The following SOX5 variants were observed in gnomAD, a reference collection of about 807,000 sequenced individuals.
SOX5 encodes the protein SRY-box transcription factor 5, also known as transcription factor SOX-5.
In SOX5, 9 loss-of-function variants were observed where a neutral mutation model predicts 92.0. The observed-to-expected ratio is 0.10, with a 90% CI of 0.06 to 0.17. The LOEUF (loss-of-function observed/expected upper bound fraction) is 0.17. SOX5 is among the 10% of genes least tolerant of loss of function. The pLI is 1.00. For synonymous variants in SOX5, 344 were observed against 336.3 expected, an observed-to-expected ratio of 1.02 and a Z score of -0.25; for missense variants, 642 against 944.5, an observed-to-expected ratio of 0.68 and a Z score of 4.20.
Position 24,046,075 on chromosome 12 carries a change from T to C in SOX5, c.-1-150051A>G, listed in dbSNP as rs12425626. On this transcript the variant is annotated intron_variant, in intron 4 of 4. Coordinates refer to the SOX5 transcript ENST00000446891. ...CCCTTGACAGGAAATGAGAGATTTA[T>C]TTTATCTGGCTTGAACTACATTGTT... Among the ~76,000 whole-genome samples, 411 of 152,338 alleles carry C rather than the reference T, an allele frequency of 2.7e-3. 7 individuals are homozygous for C. The highest frequency in any genetic ancestry group is 0.023 in the Admixed American group (350 of 15,304).
intron 1 of SOX5, among the ~76,000 whole-genome samples, chr12:24,392,881 G>A (rs1254900222): frequency 6.6e-6 from 1 of 152,082 alleles, no homozygotes; most frequent in African/African-American, 2.4e-5. Context: ...GGAGAAACAT[G>A]TAGGACTGGG....
At chr12:24,304,788 G>A (rs1031470966) in intron 2 of SOX5, among the ~76,000 whole-genome samples, 4 of 152,080 alleles carry the variant, frequency 2.6e-5, no homozygotes, top group African/African-American at 9.7e-5. Context: ...TTGTTAGCAC[G>A]ATTGTTGATT....
intron 1 of SOX5, among the ~76,000 whole-genome samples, chr12:24,381,206 C>T (rs117112720): frequency 0.037 from 5,643 of 152,198 alleles, 127 homozygotes; most frequent in Non-Finnish European, 0.048. Flanking sequence ...AACGAAAAAC[C>T]AAAACAACAA....
At chr12:24,535,229 G>T (rs1473155039) in intron 1 of SOX5, among the ~76,000 whole-genome samples, 1 of 152,176 alleles carries the variant, frequency 6.6e-6, no homozygotes, top group Non-Finnish European at 1.5e-5. Flanking sequence ...CTCACTGGAA[G>T]ACCCCTTCTG....
chr12:24,064,867 G>A (rs1022180697), intron 4 of SOX5, among the ~76,000 whole-genome samples: 3 of 152,200 alleles, frequency 2.0e-5, no homozygotes, highest in African/African-American at 4.8e-5. Context: ...AGAGGTTATA[G>A]TTCGGATTAT....
chr12:23,929,051 CA>C (rs1373999724), intron 1 of SOX5, among the ~76,000 whole-genome samples: 1 of 150,948 alleles, frequency 6.6e-6, no homozygotes, highest in Non-Finnish European at 1.5e-5. Context: ...TTCTACGAAA[CA>C]AAAACACAGA....
chr12:24,107,861 A>G (rs1036393969), intron 4 of SOX5, among the ~76,000 whole-genome samples: 2 of 152,196 alleles, frequency 1.3e-5, no homozygotes, highest in South Asian at 2.1e-4. Flanking sequence ...CACTATGGTA[A>G]CATTTAAATA....
At chr12:24,531,521 CAT>C (rs951855744) in intron 1 of SOX5, among the ~76,000 whole-genome samples, 2 of 152,066 alleles carry the variant, frequency 1.3e-5, no homozygotes, top group African/African-American at 2.4e-5. Flanking sequence ...AGTAATGTAA[CAT>C]ATTTTAAACC....
At chr12:23,976,781 C>T (rs1442908270) in intron 4 of SOX5, among the ~76,000 whole-genome samples, 1 of 151,804 alleles carries the variant, frequency 6.6e-6, no homozygotes, top group African/African-American at 2.4e-5. Context: ...ATTCTACTCA[C>T]TGGAAACTCG....
At position 23,895,896 on chromosome 12, in the gene SOX5, A is replaced by C. The variant is rs1199985078; in HGVS notation, c.167T>G (p.Val56Gly). Residue 56 changes from valine to glycine, a missense_variant, in exon 2 of 15, where the codon GTG becomes GGG. Coordinates refer to ENST00000451604, the MANE Select transcript of SOX5 (RefSeq NM_006940.6). The stretch of plus-strand genomic sequence containing the variant: ...AGAGTGAGGCTTGTTGGGAAAACTC[A>C]CATGCAAGGGAAGGTGAAAGGCTGG... ...GLPAFHLPLH[V>G]SFPNKPHSEE... The C allele has an allele frequency of 5.0e-6, 8 of 1,613,846 alleles. No individual in the cohort carries two copies. Among genetic ancestry groups the C allele is most frequent in the Non-Finnish European group, 8.5e-7 (1 of 1,179,870 alleles).
rs372020054 is a variant in SOX5 at position 24,258,174 on chromosome 12, A to AACACAC, written c.-77+19036_-77+19041dup. 6.2e-3 allele frequency among the ~76,000 whole-genome samples: 944 copies of AACACAC among 151,950 alleles called. 15 individuals carry two copies. The highest frequency in any genetic ancestry group is 0.022 in the African/African-American group (902 of 41,456). ...GTAACAGAGCAAGACTCCGTCAAAA[A>AACACAC]ACACACACACACACAAAAACACTTA... On this transcript the variant is annotated intron_variant, in intron 3 of 4. Coordinates refer to the SOX5 transcript ENST00000446891.
chr12:24,091,492 C>T (rs970788280), intron 4 of SOX5, among the ~76,000 whole-genome samples: 9 of 140,440 alleles, frequency 6.4e-5, no homozygotes, highest in African/African-American at 1.3e-4. Context: ...TGCAGTGGCG[C>T]GATCTCGGCT....
chr12:23,994,580 T>C (rs1950863699), intron 4 of SOX5, among the ~76,000 whole-genome samples: 1 of 152,182 alleles, frequency 6.6e-6, no homozygotes, highest in South Asian at 2.1e-4. Context: ...CTCCGTAATT[T>C]TGCCCTAACT....
intron 3 of SOX5, among the ~76,000 whole-genome samples, chr12:23,834,039 T>C (rs1365474164): frequency 6.6e-6 from 1 of 151,898 alleles, no homozygotes; most frequent in East Asian, 1.9e-4. Flanking sequence ...AGAATGTAAA[T>C]AAACAATAAT....
intron 7 of SOX5, among the ~76,000 whole-genome samples, chr12:23,653,534 C>A (rs2081951131): frequency 6.6e-6 from 1 of 152,040 alleles, no homozygotes; most frequent in Non-Finnish European, 1.5e-5. Flanking sequence ...GCTGATACAA[C>A]AAAATACCAT....
At chr12:24,247,807 C>T (rs1242112842) in intron 3 of SOX5, among the ~76,000 whole-genome samples, 5 of 151,792 alleles carry the variant, frequency 3.3e-5, no homozygotes, top group African/African-American at 9.7e-5. Context: ...CCCGCTACTA[C>T]ACCTGGCTAA....
chr12:24,207,151 AT>A (rs1307675368), intron 4 of SOX5, among the ~76,000 whole-genome samples: 1 of 152,340 alleles, frequency 6.6e-6, no homozygotes, highest in African/African-American at 2.4e-5. Flanking sequence ...TGAGTTAAAT[AT>A]TTTACTGTAA....
intron 4 of SOX5, among the ~76,000 whole-genome samples, chr12:23,999,696 C>T (rs887621280): frequency 2.6e-5 from 4 of 151,858 alleles, no homozygotes; most frequent in East Asian, 1.9e-4. Context: ...TTACATAAAG[C>T]AATAATTATA....
chr12:24,128,031 A>G (rs1316614427), intron 4 of SOX5, among the ~76,000 whole-genome samples: 1 of 152,190 alleles, frequency 6.6e-6, no homozygotes, highest in Non-Finnish European at 1.5e-5. Context: ...ACTAGTTTTT[A>G]GTGGTGGTAT....
Sources: gnomAD v4.1 joint callset for allele counts (sites outside exome capture counted in the v4.1 genomes callset) on GRCh38, gnomAD v4.1.1 for gene constraint, MANE v1.5 for transcripts, NCBI Gene and HGNC (gene_info 2026-07-23, HGNC 2026-07-21) for gene names.